Variants in PDE4B observed in about 807,000 individuals in gnomAD.
PDE4B encodes the protein 3',5'-cyclic-AMP phosphodiesterase 4B.
In PDE4B, 20 loss-of-function variants were observed where a neutral mutation model predicts 82.2. The observed-to-expected ratio is 0.24, with a 90% CI of 0.17 to 0.35. The LOEUF (loss-of-function observed/expected upper bound fraction) is 0.35, where lower values mean the gene tolerates loss of function less well. Among genes scored for constraint, PDE4B ranks in the 10% least tolerant of loss-of-function variants. The pLI is 1.00. For missense variants in PDE4B, 655 were observed against 907.2 expected (o/e 0.72, Z 3.57); for synonymous variants, 320 against 318.9 (o/e 1.00, Z -0.04).
At chr1:65,818,060 T>A (rs1645906443) in intron 1 of PDE4B, among the ~76,000 whole-genome samples, 1 of 152,224 alleles carries the variant, frequency 6.6e-6, no homozygotes, top group South Asian at 2.1e-4. Flanking sequence ...GCCCTCATCA[T>A]GTCTAATTTA....
intron 3 of PDE4B, among the ~76,000 whole-genome samples, chr1:65,935,381 G>A (rs1029548004): frequency 1.3e-5 from 2 of 151,636 alleles, no homozygotes; most frequent in African/African-American, 2.4e-5. Context: ...AAAAAAGAAT[G>A]TGATATGCTG....
chr1:66,290,998 G>A (rs752277357), intron 7 of PDE4B, among the ~76,000 whole-genome samples: 2 of 151,984 alleles, frequency 1.3e-5, no homozygotes, highest in Non-Finnish European at 2.9e-5. Context: ...CAGTGACCAG[G>A]GTACCTCCTC....
At chr1:66,217,813 A>G (rs952227829) in intron 3 of PDE4B, among the ~76,000 whole-genome samples, 2 of 152,062 alleles carry the variant, frequency 1.3e-5, no homozygotes, top group African/African-American at 4.8e-5. Context: ...CAATATTTCA[A>G]TATATTATGC....
intron 9 of PDE4B, among the ~76,000 whole-genome samples, chr1:66,356,488 A>G (rs1332338523): frequency 6.6e-6 from 1 of 152,250 alleles, no homozygotes; most frequent in African/African-American, 2.4e-5. Context: ...TGTTGACTTT[A>G]TATTGCTACT....
At chr1:66,013,701 C>T (rs1652616562) in intron 3 of PDE4B, among the ~76,000 whole-genome samples, 1 of 152,028 alleles carries the variant, frequency 6.6e-6, no homozygotes, top group African/African-American at 2.4e-5. Flanking sequence ...ACTCATCCAC[C>T]TATGGAAATT....
intron 4 of PDE4B, among the ~76,000 whole-genome samples, chr1:66,249,810 C>A (rs1344402987): frequency 6.6e-6 from 1 of 151,982 alleles, no homozygotes; most frequent in Non-Finnish European, 1.5e-5. Flanking sequence ...GTAGTATGGG[C>A]ACAATTTCAT....
chr1:66,368,189 G>T, intron 15 of PDE4B, 124 bp downstream of exon 15: 2 of 893,606 alleles, frequency 2.2e-6, no homozygotes, highest in South Asian at 4.1e-5. Context: ...TATAGCTTAG[G>T]GCTTATTTTA....
chr1:66,179,807 G>A (rs756688207), intron 3 of PDE4B, among the ~76,000 whole-genome samples: 4 of 152,188 alleles, frequency 2.6e-5, no homozygotes, highest in Non-Finnish European at 4.4e-5. Flanking sequence ...CAGAGGGTGG[G>A]AATTTTAAAT....
chr1:66,336,604 G>A (rs763069454), intron 8 of PDE4B, among the ~76,000 whole-genome samples: 3 of 152,150 alleles, frequency 2.0e-5, no homozygotes, highest in Admixed American at 6.5e-5. Flanking sequence ...GTGCTGCTGG[G>A]TGAAAATGGA....
At chr1:66,024,025 C>T (rs1048278512) in intron 3 of PDE4B, among the ~76,000 whole-genome samples, 9 of 151,952 alleles carry the variant, frequency 5.9e-5, no homozygotes, top group South Asian at 2.1e-4. Context: ...TTGTTTCAGG[C>T]GGTTTATTTT....
intron 3 of PDE4B, among the ~76,000 whole-genome samples, chr1:65,964,894 TTATACCCAGTGGA>T (rs34482581): frequency 0.63 from 96,056 of 151,636 alleles, 30,509 homozygotes; most frequent in African/African-American, 0.65. Flanking sequence ...TTAACAGTGG[TTATACCCAGTGGA>T]TATATCTGGG....
intron 7 of PDE4B, chr1:66,331,689 A>C: frequency 1.0e-6 from 1 of 954,446 alleles, no homozygotes; most frequent in Non-Finnish European, 1.2e-6. Flanking sequence ...GCTCCACCTG[A>C]AAGTCCGGTT....
chr1:65,850,443 T>A (rs892556343), intron 1 of PDE4B, among the ~76,000 whole-genome samples: 2 of 152,046 alleles, frequency 1.3e-5, no homozygotes, highest in Non-Finnish European at 2.9e-5. Context: ...TGTAGAATGG[T>A]GTAGTGAACA....
intron 3 of PDE4B, among the ~76,000 whole-genome samples, chr1:66,162,190 C>A (rs6679711): frequency 0.089 from 13,510 of 151,810 alleles, 1,306 homozygotes; most frequent in African/African-American, 0.23. Context: ...TGCTAAGGTG[C>A]CCTGAGGCTC....
At chr1:66,246,408 G>T (rs970006006) in intron 3 of PDE4B, among the ~76,000 whole-genome samples, 1 of 152,200 alleles carries the variant, frequency 6.6e-6, no homozygotes, top group African/African-American at 2.4e-5. Flanking sequence ...ATTCACTGTT[G>T]TGGTCTAATT....
chr1:66,034,947 C>G lies in PDE4B; in HGVS notation c.281+116112C>G, dbSNP rs117850609. ...GGGTGAGGATGGGGGACTGTTTAAACTTTTCCCTTTTAGGTTACCATCTTA... is the reference window on the plus strand; with the variant it reads ...GGGTGAGGATGGGGGACTGTTTAAAGTTTTCCCTTTTAGGTTACCATCTTA... On this transcript the variant is annotated intron_variant, in intron 3 of 16. Transcript: ENST00000341517. Among the ~76,000 whole-genome samples, 150 of 152,234 alleles carry G rather than the reference C, an allele frequency of 9.9e-4. 2 individuals carry two copies. In the East Asian group the frequency reaches 0.026, roughly 26 times the overall value.
intron 1 of PDE4B, among the ~76,000 whole-genome samples, chr1:65,814,354 A>C (rs1016192238): frequency 2.0e-5 from 3 of 152,208 alleles, no homozygotes; most frequent in Non-Finnish European, 4.4e-5. Context: ...AAATTTATGA[A>C]GATGAAATAC....
At chr1:65,802,058 G>A (rs777053817) in intron 1 of PDE4B, among the ~76,000 whole-genome samples, 5 of 152,180 alleles carry the variant, frequency 3.3e-5, no homozygotes, top group East Asian at 1.9e-4. Context: ...CGTGTGATAA[G>A]AGAAAAAGAA....
At chr1:66,106,608 A>G (rs1197699014) in intron 3 of PDE4B, among the ~76,000 whole-genome samples, 1 of 151,360 alleles carries the variant, frequency 6.6e-6, no homozygotes, top group Non-Finnish European at 1.5e-5. Flanking sequence ...TATTGCCACA[A>G]TTTCAGAGCC....
Sources: gnomAD v4.1 joint callset for allele counts (sites outside exome capture counted in the v4.1 genomes callset) on GRCh38, gnomAD v4.1.1 for gene constraint, MANE v1.5 for transcripts, NCBI Gene and HGNC (gene_info 2026-07-23, HGNC 2026-07-21) for gene names.